Variants in PRR12 observed in about 807,000 individuals in gnomAD.
PRR12 encodes proline-rich protein 12.
In PRR12, 12 loss-of-function variants were observed where a neutral mutation model predicts 138.0. The observed-to-expected ratio is 0.09, with a 90% CI of 0.06 to 0.14. PRR12 has a LOEUF of 0.14. Ranked by LOEUF, PRR12 falls within the 10% of genes least tolerant of loss-of-function variation. PRR12 has a pLI of 1.00. For missense variants in PRR12, 2,692 were observed against 2,861.3 expected, an observed-to-expected ratio of 0.94 and a Z score of 1.35; for synonymous variants, 1,567 against 1,291.7, an observed-to-expected ratio of 1.21 and a Z score of -4.57.
intron 9 of PRR12, among the ~76,000 whole-genome samples, chr19:49,618,374 C>T (rs1396278902): frequency 2.0e-5 from 3 of 151,886 alleles, no homozygotes; most frequent in African/African-American, 4.8e-5. Context: ...GCCATCCTCA[C>T]CTCTTTTCCT....
intron 10 of PRR12, 84 bp from the exon 11 acceptor site, chr19:49,621,441 G>C (rs1295102419): frequency 9.2e-6 from 10 of 1,082,112 alleles, no homozygotes; most frequent in South Asian, 1.4e-5. Flanking sequence ...AAGGGGATTT[G>C]GGGACCCAGA....
intron 2 of PRR12, among the ~76,000 whole-genome samples, chr19:49,593,705 A>G (rs2080745338): frequency 6.6e-6 from 1 of 151,466 alleles, no homozygotes; most frequent in South Asian, 2.1e-4. Context: ...CTTCTCTTCC[A>G]GGCTTTTCCG....
rs765935918 is a variant in PRR12 at position 49,596,383 on chromosome 19, C to T, written c.2048C>T (p.Pro683Leu). The T allele has an allele frequency of 1.2e-6, 2 of 1,602,378 alleles. No homozygotes were observed. Among genetic ancestry groups the T allele is most frequent in the Non-Finnish European group, 8.5e-7 (1 of 1,177,880 alleles). The change falls in exon 4 of 14, where the codon CCA (proline) becomes CTA (leucine). Residue 683 changes from proline (P) to leucine (L), a missense_variant. Transcript: ENST00000418929. The surrounding 1 kb of genome is among the most constrained non-coding windows in gnomAD (Gnocchi z 5.6). ...GLGGSGGAGG[P>L]PGTPYELAKE... ...GGGGGGAGTGGCGGGGCCGGGGGAC[C>T]ACCGGGTACACCCTACGAGTTGGCC...
rs755838531 is a variant in PRR12, at chr19:49,616,140, C to T, written c.5418C>T (p.Gly1806=). ...GGAAGAAATGGCTGAAGGAGGCAGG[C>T]GGCAACGCTACAGCAGGCGGGGGCC... The part of the protein sequence containing the change: ...KKRKKWLKEA[G]GNATAGGGPP... The change falls in exon 9 of 14, where the codon GGC becomes GGT. Residue 1806 remains glycine (G), a synonymous_variant. Coordinates refer to ENST00000418929, the MANE Select transcript of PRR12 (RefSeq NM_020719.3). This position sits in a 1 kb window ranked among gnomAD's most constrained non-coding sequence, Gnocchi z 4.2. 20 of 1,566,180 alleles carry T rather than the reference C, an allele frequency of 1.3e-5. No homozygotes were observed. The Admixed American group carries it at 1.9e-4, about 15-fold the overall frequency.
At chr19:49,623,170 A>T (rs1032670842) in intron 11 of PRR12, among the ~76,000 whole-genome samples, 1 of 151,956 alleles carries the variant, frequency 6.6e-6, no homozygotes, top group Admixed American at 6.6e-5. Flanking sequence ...GCATTAGGTT[A>T]TAAAAACTCT....
chr19:49,623,525 G>T (rs1179611091), intron 11 of PRR12, among the ~76,000 whole-genome samples: 1 of 152,008 alleles, frequency 6.6e-6, no homozygotes, highest in African/African-American at 2.4e-5. Context: ...CCAGCTACTC[G>T]CGAGGCTGAG....
rs751132747 is a variant in PRR12 at position 49,595,572 on chromosome 19, G to T, written c.1237G>T (p.Ala413Ser). ...CAGGCCCCCCCCACCCCGTTCGACC[G>T]CCACCCCCAAATGTCAGAGCCTGGG... The part of the protein sequence containing the change: ...ATRPPPPRST[A>S]TPKCQSLGGP... The change falls in exon 4 of 14, where the codon GCC becomes TCC. Residue 413 changes from alanine to serine, a missense_variant. Transcript: ENST00000418929. 1 of 1,554,470 alleles carries T rather than the reference G, an allele frequency of 6.4e-7. No individual in the cohort carries two copies. Among genetic ancestry groups the T allele is most frequent in the East Asian group, 2.4e-5 (1 of 41,224 alleles).
At position 49,620,508 on chromosome 19, in the gene PRR12, G is replaced by T. The variant is rs373580551; in HGVS notation, c.5623+31G>T. ...CTGAGGCCTGGGGAGGAGGGGGGGG[G>T]GCTGACTCGGTCTGAGGGAGCAGGT... On this transcript the variant is annotated intron_variant, in intron 10 of 13. Transcript: ENST00000418929. The T allele has an allele frequency of 1.3e-4, 194 of 1,517,274 alleles. 2 individuals carry two copies. The highest frequency in any genetic ancestry group is 5.4e-4 in the East Asian group (22 of 40,900). 94.0% of individuals were successfully genotyped at this position (1,517,274 alleles called of 1,614,324 possible). A position where few individuals can be genotyped will look rare whatever the true frequency, so the allele number is the denominator to read the frequency against.
At chr19:49,624,543 G>C (rs1027769607) in intron 11 of PRR12, among the ~76,000 whole-genome samples, 2 of 151,244 alleles carry the variant, frequency 1.3e-5, no homozygotes, top group African/African-American at 4.9e-5. Flanking sequence ...GTTAGGATGG[G>C]GCTGGGAATT....
rs1284147391 is a variant in PRR12 at position 49,622,912 on chromosome 19, T to C, written c.5721+1290T>C. 5.2e-3 allele frequency among the ~76,000 whole-genome samples: 373 copies of C among 72,384 alleles called. 15 individuals carry two copies. Among genetic ancestry groups the C allele is most frequent in the African/African-American group, 0.026 (280 of 10,850 alleles). 47.5% of individuals were successfully genotyped at this position (72,384 alleles called of 152,430 possible). ...GTCTCAAAAAAAAAACAAAAACATATATATATATATATATATAGAGAGAGA... is the reference window on the plus strand; with the variant it reads ...GTCTCAAAAAAAAAACAAAAACATACATATATATATATATATAGAGAGAGA... On this transcript the variant is annotated intron_variant, in intron 11 of 13. Coordinates refer to ENST00000418929, the MANE Select transcript of PRR12 (RefSeq NM_020719.3).
At position 49,594,333 on chromosome 19, in the gene PRR12, C is replaced by A; in HGVS notation, c.200-121C>A. 1.1e-6 allele frequency: 1 copy of A among 926,302 alleles called. No individual in the cohort carries two copies. 57.4% of individuals were successfully genotyped at this position (926,302 alleles called of 1,614,324 possible). A position where few individuals can be genotyped will look rare whatever the true frequency, so the allele number is the denominator to read the frequency against. On this transcript the variant is annotated intron_variant, in intron 2 of 13. Transcript: ENST00000418929. The surrounding 1 kb of genome is among the most constrained non-coding windows in gnomAD (Gnocchi z 5.6). ...TCTATCCATCTTGTTTTTGAATTTG[C>A]CCTTTTCTCTCCCATCCCCTCCTTT...
At chr19:49,608,665 G>A (rs200225518) in intron 6 of PRR12, among the ~76,000 whole-genome samples, 4 of 151,854 alleles carry the variant, frequency 2.6e-5, no homozygotes, top group African/African-American at 9.7e-5. Context: ...CACCGCGCCC[G>A]GCCTCTACAC....
chr19:49,593,566 G>T (rs1012928893), intron 2 of PRR12, 127 bp downstream of exon 2: 10 of 585,944 alleles, frequency 1.7e-5, no homozygotes, highest in South Asian at 4.0e-5. Context: ...CCCTTGCTGT[G>T]TCTCCTCTGA....
At chr19:49,618,134 T>G (rs935020690) in intron 9 of PRR12, among the ~76,000 whole-genome samples, 4 of 152,132 alleles carry the variant, frequency 2.6e-5, no homozygotes, top group Admixed American at 2.6e-4. Flanking sequence ...TGAATGGCTC[T>G]TTTTCAGGGT....
intron 6 of PRR12, among the ~76,000 whole-genome samples, chr19:49,611,855 G>A (rs1167965121): frequency 1.9e-4 from 28 of 146,856 alleles, no homozygotes; most frequent in South Asian, 4.3e-4. Context: ...CCCGGGAGGC[G>A]GAGCTTGCAG....
rs1032034017 is a variant in PRR12 at position 49,599,628 on chromosome 19, C to T, written c.4035C>T (p.Gly1345=). The change falls in exon 5 of 14, where the codon GGC becomes GGT. Residue 1345 remains glycine, a synonymous_variant. Coordinates refer to ENST00000418929, the MANE Select transcript of PRR12 (RefSeq NM_020719.3). The surrounding 1 kb of genome is among the most constrained non-coding windows in gnomAD (Gnocchi z 5.0). ...PPPSGAFGLG[G]ALEAAESEGL... ...CTTCCGGAGCCTTTGGGCTTGGGGG[C>T]GCCCTGGAGGCTGCAGAGAGTGAGG... The T allele has an allele frequency of 2.5e-6, 4 of 1,604,090 alleles. No homozygotes were observed. Among genetic ancestry groups the T allele is most frequent in the South Asian group, 1.1e-5 (1 of 90,628 alleles).
At position 49,615,875 on chromosome 19, in the gene PRR12, C is replaced by A. The variant is rs753470902; in HGVS notation, c.5153C>A (p.Thr1718Asn). The A allele has an allele frequency of 4.4e-6, 7 of 1,590,446 alleles. No homozygotes were observed. Among genetic ancestry groups the A allele is most frequent in the Non-Finnish European group, 6.0e-6 (7 of 1,168,938 alleles). Residue 1718 changes from threonine (T) to asparagine (N), a missense_variant, in exon 9 of 14, where the codon ACT becomes AAT. Physicochemically the swap from Thr to Asn is moderately conservative, Grantham distance 65. This residue lies in a region of PRR12 where 259 missense variants were observed against 265.1 expected (regional missense o/e 0.98). Coordinates refer to ENST00000418929, the MANE Select transcript of PRR12 (RefSeq NM_020719.3). ...ACATCTGAGAAGCCCCCAGAGCAGA[C>A]TCCTGAGACGGCCATGCCTGAGCCC... is the stretch of plus-strand genomic sequence containing the variant. ...KTTSEKPPEQ[T>N]PETAMPEPPA...
chr19:49,621,532 G>T lies in PRR12; in HGVS notation c.5631G>T (p.Leu1877=). ...CATGTCCTCGTCCATCAGACGAGCT[G>T]TACCTGCCCCCCATGCGGAAGATAG... ...IQALEDTHDE[L]YLPPMRKIDG... is the part of the protein sequence containing the mutation. Residue 1877 remains leucine (L), a synonymous_variant, in exon 11 of 14, where the codon CTG becomes CTT. Coordinates refer to ENST00000418929, the MANE Select transcript of PRR12 (RefSeq NM_020719.3). The T allele has an allele frequency of 1.9e-6, 3 of 1,604,776 alleles. No homozygotes were observed. Among genetic ancestry groups the T allele is most frequent in the Non-Finnish European group, 2.6e-6 (3 of 1,175,956 alleles).
Position 49,613,330 on chromosome 19 carries a change from CAA to C in PRR12, c.4774-1182_4774-1181del, listed in dbSNP as rs781467379. 2.6e-3 allele frequency among the ~76,000 whole-genome samples: 200 copies of C among 76,656 alleles called. 1 individual carries two copies. Among genetic ancestry groups the C allele is most frequent in the African/African-American group, 6.4e-3 (156 of 24,288 alleles). The allele number at this position is 76,656 out of a possible 152,430, so 50.3% of individuals were successfully genotyped here. On this transcript the variant is annotated intron_variant, in intron 6 of 13. Transcript: ENST00000418929. Reference sequence around the variant, plus strand: ...AGCCTGGCTGACTGAGGCTCCATCTCAAAAAAAAAAAAAAAAAAAAAATCTGA... The same window carrying C: ...AGCCTGGCTGACTGAGGCTCCATCTCAAAAAAAAAAAAAAAAAAAATCTGA...
Sources: gnomAD v4.1 joint callset for allele counts (sites outside exome capture counted in the v4.1 genomes callset) on GRCh38, gnomAD v4.1.1 for gene constraint, gnomAD v4.1.1 regional missense constraint, Gnocchi (gnomAD v3.1) non-coding constraint, MANE v1.5 for transcripts, NCBI Gene and HGNC (gene_info 2026-07-23, HGNC 2026-07-21) for gene names.